The following UBB variants were observed in gnomAD, a reference collection of about 807,000 sequenced individuals.
UBB encodes the protein polyubiquitin-B.
Under a neutral mutation model 12.5 loss-of-function variants are expected in UBB, and 11 were observed. The ratio of observed to expected loss-of-function variants is 0.88; its 90% CI spans 0.55 to 1.45. The LOEUF (loss-of-function observed/expected upper bound fraction) is 1.45. Among genes scored for constraint, UBB ranks in the 40% most tolerant of loss-of-function variants. UBB has a pLI of 0.00. For synonymous variants in UBB, 168 were observed against 120.1 expected (o/e 1.40, Z -2.61); for missense variants, 76 against 286.9 (o/e 0.26, Z 5.31).
At position 16,381,110 on chromosome 17, in the gene UBB, T is replaced by C. The variant is rs1264632396; in HGVS notation, c.-81T>C. ...CGGAGCATTTAGGGGCGGTTGGCTT[T>C]GTTGGGTGAGCTTGTTTGTGTCCCT... On this transcript the variant is annotated 5_prime_UTR_variant, in exon 1 of 2. Transcript: ENST00000302182. The C allele has an allele frequency of 6.6e-6, 1 of 152,102 alleles. No homozygotes were observed. The highest frequency in any genetic ancestry group is 1.5e-5 in the Non-Finnish European group (1 of 67,924). 9.4% of individuals were successfully genotyped at this position (152,102 alleles called of 1,614,324 possible). A position where few individuals can be genotyped will look rare whatever the true frequency, so the allele number is the denominator to read the frequency against.
chr17:16,381,710 G>A (rs1272146695), intron 1 of UBB, 192 bp from the exon 2 acceptor site: 11 of 776,240 alleles, frequency 1.4e-5, no homozygotes, highest in East Asian at 2.8e-5. Context: ...TTCCGCTGTT[G>A]ACGTTGAAAC....
In UBB at chr17:16,382,418, C is replaced by G. The variant is rs768618961; in HGVS notation, c.511C>G (p.Pro171Ala). The stretch of plus-strand genomic sequence containing the variant: ...CAAGACCATCACTCTGGAGGTGGAG[C>G]CCAGTGACACCATCGAAAATGTGAA... Reference protein sequence around the residue: ...TGKTITLEVEPSDTIENVKAK... With the variant: ...TGKTITLEVEASDTIENVKAK... Residue 171 changes from proline to alanine, a missense_variant, in exon 2 of 2, where the codon CCC (proline) becomes GCC (alanine). Physicochemically the swap from Pro to Ala is conservative, Grantham distance 27 (BLOSUM62 -1). Transcript: ENST00000302182. 1 of 1,611,104 alleles carries G rather than the reference C, an allele frequency of 6.2e-7. No individual in the cohort carries two copies. Among genetic ancestry groups the G allele is most frequent in the Admixed American group, 1.7e-5 (1 of 59,514 alleles).
At chr17:16,381,796 T>C (rs369361020) in intron 1 of UBB, 106 bp from the exon 2 acceptor site, 1 of 1,367,914 alleles carries the variant, frequency 7.3e-7, no homozygotes. Context: ...TTAACGTATT[T>C]AAGGCATTTT....
In UBB at chr17:16,381,801, C is replaced by T. The variant is rs182709944; in HGVS notation, c.-6-101C>T. ...TTGCGGAATATTAACGTATTTAAGG[C>T]ATTTTGAAGGAATAGTTGCTAATTT... On this transcript the variant is annotated intron_variant, in intron 1 of 1. Coordinates refer to ENST00000302182, the MANE Select transcript of UBB (RefSeq NM_018955.4). 4.0e-3 allele frequency: 5,548 copies of T among 1,391,324 alleles called. 41 individuals carry two copies. Among genetic ancestry groups the T allele is most frequent in the Non-Finnish European group, 3.4e-3 (3,470 of 1,030,730 alleles). The allele number at this position is 1,391,324 out of a possible 1,614,324, so 86.2% of individuals were successfully genotyped here.
chr17:16,381,800 G>A, intron 1 of UBB, 102 bp from the exon 2 acceptor site: 1 of 1,385,890 alleles, frequency 7.2e-7, no homozygotes, highest in Non-Finnish European at 9.7e-7. Flanking sequence ...CGTATTTAAG[G>A]CATTTTGAAG....
At position 16,381,888 on chromosome 17, in the gene UBB, T is replaced by TA; in HGVS notation, c.-6-13dup. On this transcript the variant is annotated splice_polypyrimidine_tract_variant and intron_variant, in intron 1 of 1. Coordinates refer to ENST00000302182, the MANE Select transcript of UBB (RefSeq NM_018955.4). ...ATCCTGAGGTGACACGCTTATGTTT[T>TA]ACTTTTAAACTAGGTCAAAATGCAG... is the stretch of plus-strand genomic sequence containing the variant. 2 of 1,613,488 alleles carry TA rather than the reference T, an allele frequency of 1.2e-6. No homozygotes were observed. The highest frequency in any genetic ancestry group is 1.7e-6 in the Non-Finnish European group (2 of 1,179,592).
chr17:16,381,565 G>T (rs2093275498), intron 1 of UBB: 1 of 310,958 alleles, frequency 3.2e-6, no homozygotes, highest in Non-Finnish European at 6.0e-6. Context: ...AGTCTTGTGG[G>T]TTTGGTTTTG....
rs1274293901 is a variant in UBB, at chr17:16,381,156, A to C, written c.-35A>C. On this transcript the variant is annotated 5_prime_UTR_variant, in exon 1 of 2. Coordinates refer to ENST00000302182, the MANE Select transcript of UBB (RefSeq NM_018955.4). ...TCCCTGTGGGTGGACGTGGTTGGTGATTGGCAGGATCCTGGTATCCGCTAA... is the reference window on the plus strand; with the variant it reads ...TCCCTGTGGGTGGACGTGGTTGGTGCTTGGCAGGATCCTGGTATCCGCTAA... 6.8e-6 allele frequency: 1 copy of C among 147,838 alleles called. No individual in the cohort carries two copies. Among genetic ancestry groups the C allele is most frequent in the Non-Finnish European group, 1.5e-5 (1 of 67,482 alleles). The allele number at this position is 147,838 out of a possible 1,614,324, so 9.2% of individuals were successfully genotyped here. A position where few individuals can be genotyped will look rare whatever the true frequency, so the allele number is the denominator to read the frequency against.
intron 1 of UBB, 131 bp from the exon 2 acceptor site, chr17:16,381,771 G>T: frequency 8.3e-7 from 1 of 1,198,448 alleles, no homozygotes; most frequent in Non-Finnish European, 1.1e-6. Flanking sequence ...AAATTGAGGG[G>T]AGGCTTGCGG....
chr17:16,382,294 C>G lies in UBB; in HGVS notation c.387C>G (p.Gly129=). The G allele has an allele frequency of 6.2e-7, 1 of 1,606,454 alleles. No individual in the cohort carries two copies. Among genetic ancestry groups the G allele is most frequent in the Non-Finnish European group, 8.5e-7 (1 of 1,178,502 alleles). Residue 129 remains glycine, a synonymous_variant, in exon 2 of 2, where the codon GGC becomes GGG. Transcript: ENST00000302182. The part of the protein sequence containing the change: ...LIFAGKQLED[G]RTLSDYNIQK... Reference sequence around the variant, plus strand: ...TTGCAGGCAAGCAGCTGGAAGATGGCCGCACTCTTTCTGACTACAACATCC... The same window carrying G: ...TTGCAGGCAAGCAGCTGGAAGATGGGCGCACTCTTTCTGACTACAACATCC...
In UBB at chr17:16,381,107, C is replaced by T. The variant is rs3744326; in HGVS notation, c.-84C>T. 1.3e-5 allele frequency: 2 copies of T among 152,570 alleles called. No homozygotes were observed. The highest frequency in any genetic ancestry group is 2.1e-4 in the South Asian group (1 of 4,786). 9.5% of individuals were successfully genotyped at this position (152,570 alleles called of 1,614,324 possible). ...GCCCGGAGCATTTAGGGGCGGTTGG[C>T]TTTGTTGGGTGAGCTTGTTTGTGTC... On this transcript the variant is annotated 5_prime_UTR_variant, in exon 1 of 2. Transcript: ENST00000302182.
intron 1 of UBB, 27 bp from the exon 2 acceptor site, chr17:16,381,875 C>T: frequency 6.2e-7 from 1 of 1,611,156 alleles, no homozygotes; most frequent in Non-Finnish European, 8.5e-7. Flanking sequence ...CCTGAGGTGA[C>T]ACGCTTATGT....
Position 16,382,635 on chromosome 17 carries a change from A to T in UBB, c.*38A>T, listed in dbSNP as rs934632707. 5 of 1,610,686 alleles carry T rather than the reference A, an allele frequency of 3.1e-6. No homozygotes were observed. Among genetic ancestry groups the T allele is most frequent in the African/African-American group, 1.3e-5 (1 of 74,936 alleles). Reference sequence around the variant, plus strand: ...GGCATTCGCAGTGCCCAGTGATGGCATTACTCTGCACTATAGCCATTTGCC... The same window carrying T: ...GGCATTCGCAGTGCCCAGTGATGGCTTTACTCTGCACTATAGCCATTTGCC... On this transcript the variant is annotated 3_prime_UTR_variant, in exon 2 of 2. Coordinates refer to ENST00000302182, the MANE Select transcript of UBB (RefSeq NM_018955.4).
At position 16,381,519 on chromosome 17, in the gene UBB, C is replaced by T. The variant is rs186272754; in HGVS notation, c.-7+335C>T. Reference sequence around the variant, plus strand: ...TTGGAATCCCAGTGTGAGAAAGGTGCCCCTTCTTGTGTTTCAATGGGATTT... The same window carrying T: ...TTGGAATCCCAGTGTGAGAAAGGTGTCCCTTCTTGTGTTTCAATGGGATTT... On this transcript the variant is annotated intron_variant, in intron 1 of 1. Transcript: ENST00000302182. The T allele has an allele frequency of 6.3e-3, 1,472 of 235,328 alleles. 26 individuals carry two copies. The highest frequency in any genetic ancestry group is 0.031 in the African/African-American group (1,380 of 43,964). The allele number at this position is 235,328 out of a possible 1,614,324, so 14.6% of individuals were successfully genotyped here. A position where few individuals can be genotyped will look rare whatever the true frequency, so the allele number is the denominator to read the frequency against.
upstream of UBB, chr17:16,380,970 G>A (rs2093272583): frequency 6.5e-6 from 1 of 153,736 alleles, no homozygotes. Flanking sequence ...AGCCTAAACT[G>A]CCTCTCGGGA....
At chr17:16,381,603 G>C (rs756652067) in intron 1 of UBB, 5 of 448,728 alleles carry the variant, frequency 1.1e-5, no homozygotes, top group Non-Finnish European at 2.0e-5. Context: ...ACCGTGCTTA[G>C]GTTTGAGGCA....
chr17:16,381,741 TTAAG>T, intron 1 of UBB, 157 bp from the exon 2 acceptor site: 1 of 995,334 alleles, frequency 1.0e-6, no homozygotes, highest in African/African-American at 1.6e-5. Context: ...GAATTTCGTA[TTAAG>T]TGACTTAGCC....
chr17:16,381,727 T>TG, intron 1 of UBB, 175 bp from the exon 2 acceptor site: 1 of 912,326 alleles, frequency 1.1e-6, no homozygotes, highest in Non-Finnish European at 1.6e-6. Context: ...AAACCTTGAA[T>TG]GACGAATTTC....
intron 1 of UBB, 121 bp from the exon 2 acceptor site, chr17:16,381,781 G>A: frequency 7.8e-7 from 1 of 1,278,096 alleles, no homozygotes. Flanking sequence ...GAGGCTTGCG[G>A]AATATTAACG....
Sources: gnomAD v4.1 joint callset for allele counts on GRCh38, gnomAD v4.1.1 for gene constraint, MANE v1.5 for transcripts, NCBI Gene and HGNC (gene_info 2026-07-23, HGNC 2026-07-21) for gene names.